The following TCERG1 variants were observed in gnomAD, a reference collection of about 807,000 sequenced individuals.
TCERG1 encodes TATA box binding protein (TBP)-associated factor, RNA polymerase II, S, 150kD.
In TCERG1, 37 loss-of-function variants were observed where a neutral mutation model predicts 144.7. That is an observed-to-expected ratio of 0.26 (90% CI 0.20 to 0.34). The LOEUF is 0.34. Among genes scored for constraint, TCERG1 ranks in the 10% least tolerant of loss-of-function variants. The pLI is 1.00. For missense variants in TCERG1, 1,027 were observed against 1,380.7 expected (o/e 0.74, Z 4.06); for synonymous variants, 492 against 458.2 (o/e 1.07, Z -0.94).
In TCERG1 at chr5:146,503,366, A is replaced by G. The variant is rs898780852; in HGVS notation, c.2434-9A>G. The G allele has an allele frequency of 1.9e-6, 3 of 1,611,088 alleles. No homozygotes were observed. The highest frequency in any genetic ancestry group is 2.5e-6 in the Non-Finnish European group (3 of 1,178,094). ...TCCCTCCCATCCCACTACCTGTTTT[A>G]AAATACAGATTAAATCGGATTTCTT... On this transcript the variant is annotated splice_polypyrimidine_tract_variant and intron_variant, in intron 17 of 22. Coordinates refer to ENST00000679501, the MANE Select transcript of TCERG1 (RefSeq NM_001382548.1).
chr5:146,459,152 A>G lies in TCERG1; in HGVS notation c.707A>G (p.Gln236Arg). 1 of 1,612,724 alleles carries G rather than the reference A, an allele frequency of 6.2e-7. No individual in the cohort carries two copies. The highest frequency in any genetic ancestry group is 8.5e-7 in the Non-Finnish European group (1 of 1,178,878). Residue 236 changes from glutamine (Q) to arginine (R), a missense_variant, in exon 4 of 23, where the codon CAG becomes CGG. Gln to Arg is a conservative substitution (Grantham distance 43). Coordinates refer to ENST00000679501, the MANE Select transcript of TCERG1 (RefSeq NM_001382548.1). ...CAGGCTCAGGCTCAGGCACAAGCTCAGGCCCAGGCCCAGGCTCAGGTCCAG... is the reference window on the plus strand; with the variant it reads ...CAGGCTCAGGCTCAGGCACAAGCTCGGGCCCAGGCCCAGGCTCAGGTCCAG... ...QAQAQAQAQA[Q>R]AQAQAQVQAQ... is the part of the protein sequence containing the mutation.
intron 10 of TCERG1, among the ~76,000 whole-genome samples, chr5:146,479,186 T>A (rs1348116101): frequency 6.6e-6 from 1 of 152,150 alleles, no homozygotes; most frequent in Non-Finnish European, 1.5e-5. Context: ...GTACGTAATT[T>A]TTGTTGTGTA....
chr5:146,473,777 T>G (rs1764569167), intron 9 of TCERG1, among the ~76,000 whole-genome samples: 1 of 152,220 alleles, frequency 6.6e-6, no homozygotes, highest in South Asian at 2.1e-4. Context: ...TTAAGCCCAC[T>G]GTTGAGACTT....
chr5:146,478,286 C>A, intron 9 of TCERG1: 1 of 413,374 alleles, frequency 2.4e-6, no homozygotes, highest in Non-Finnish European at 4.0e-6. Context: ...TTGGTTTTCT[C>A]AGTTAATATG....
chr5:146,505,899 C>G lies in TCERG1; in HGVS notation c.2782-1129C>G, dbSNP rs568704826. Among the ~76,000 whole-genome samples the G allele has an allele frequency of 3.6e-3, 553 of 152,300 alleles. 1 individual carries two copies. The highest frequency in any genetic ancestry group is 0.017 in the Middle Eastern group (5 of 294). ...TCAAGTGATTCTCCTGCCTCAGTCT[C>G]CTGAGTAGCTGGGACTACAGGCATG... On this transcript the variant is annotated intron_variant, in intron 19 of 22. Transcript: ENST00000679501.
chr5:146,456,387 T>C (rs1481626086), intron 2 of TCERG1, among the ~76,000 whole-genome samples: 1 of 152,262 alleles, frequency 6.6e-6, no homozygotes, highest in Non-Finnish European at 1.5e-5. Context: ...AACCCTCTCA[T>C]TGAAATATAT....
chr5:146,485,346 T>C (rs1023359829), intron 15 of TCERG1, among the ~76,000 whole-genome samples: 2 of 152,232 alleles, frequency 1.3e-5, no homozygotes, highest in Non-Finnish European at 2.9e-5. Flanking sequence ...TATAAAATTA[T>C]GTTTTTATTA....
intron 1 of TCERG1, among the ~76,000 whole-genome samples, chr5:146,451,822 C>T (rs954021209): frequency 6.7e-6 from 1 of 149,364 alleles, no homozygotes; most frequent in Non-Finnish European, 1.5e-5. Flanking sequence ...GAGTCTCGCT[C>T]TCTTGCCCAG....
rs895100302 is a variant in TCERG1 at position 146,503,028 on chromosome 5, A to T, written c.2434-347A>T. On this transcript the variant is annotated intron_variant, in intron 17 of 22. Transcript: ENST00000679501. ...GCTAAAAAGAAATGCAGCTCGATGT[A>T]AATTTATATTCCCTATGAATACATG... The T allele has an allele frequency of 8.5e-5, 13 of 152,854 alleles. No homozygotes were observed. In the East Asian group the frequency reaches 2.1e-3, roughly 25 times the overall value. 9.5% of individuals were successfully genotyped at this position (152,854 alleles called of 1,614,324 possible).
chr5:146,461,098 C>T (rs1212993891), intron 4 of TCERG1, among the ~76,000 whole-genome samples: 1 of 152,166 alleles, frequency 6.6e-6, no homozygotes. Flanking sequence ...TTTAACCATA[C>T]TATATATAGT....
intron 1 of TCERG1, among the ~76,000 whole-genome samples, chr5:146,451,314 T>G (rs1480449248): frequency 6.9e-6 from 1 of 145,852 alleles, no homozygotes. Context: ...ATGCGATCCA[T>G]ATTCCTTTTT....
chr5:146,458,069 C>T (rs1364541160), intron 3 of TCERG1, among the ~76,000 whole-genome samples: 2 of 152,062 alleles, frequency 1.3e-5, no homozygotes, highest in Admixed American at 6.5e-5. Context: ...AGGCTGGTCT[C>T]GAACTCTTGA....
At chr5:146,468,268 T>C in intron 5 of TCERG1, 73 bp from the exon 6 acceptor site, 1 of 1,181,802 alleles carries the variant, frequency 8.5e-7, no homozygotes, top group Non-Finnish European at 1.2e-6. Context: ...TGGTAAATTA[T>C]TTCCCTGAAT....
chr5:146,455,207 C>G lies in TCERG1; in HGVS notation c.211C>G (p.Pro71Ala), dbSNP rs1762722274. Residue 71 changes from proline (P) to alanine (A), a missense_variant, in exon 2 of 23, where the codon CCT becomes GCT. Coordinates refer to ENST00000679501, the MANE Select transcript of TCERG1 (RefSeq NM_001382548.1). ...ACCACGGCCGCCCTTTGGACGTCCT[C>G]CTTTTGATCCTAATATGCCGCCAAT... ...PPPRPPFGRP[P>A]FDPNMPPMPP... 4.3e-6 allele frequency: 7 copies of G among 1,614,202 alleles called. No individual in the cohort carries two copies. The highest frequency in any genetic ancestry group is 5.9e-6 in the Non-Finnish European group (7 of 1,180,034).
At position 146,507,023 on chromosome 5, in the gene TCERG1, T is replaced by C. The variant is rs757570298; in HGVS notation, c.2782-5T>C. ...GGTGATATATATATAATTTTTTCTC[T>C]TCAGGTACGTTCTTCAGATGTGTCA... is the stretch of plus-strand genomic sequence containing the variant. On this transcript the variant is annotated splice_region_variant and splice_polypyrimidine_tract_variant and intron_variant, in intron 19 of 22. Coordinates refer to ENST00000679501, the MANE Select transcript of TCERG1 (RefSeq NM_001382548.1). This position sits in a 1 kb window ranked among gnomAD's most constrained non-coding sequence, Gnocchi z 4.6. 5.8e-6 allele frequency: 9 copies of C among 1,564,636 alleles called. No homozygotes were observed. The highest frequency in any genetic ancestry group is 1.7e-4 in the Middle Eastern group (1 of 5,802).
intron 2 of TCERG1, among the ~76,000 whole-genome samples, chr5:146,455,869 A>G (rs755849362): frequency 2.6e-5 from 4 of 152,238 alleles, no homozygotes; most frequent in African/African-American, 4.8e-5. Flanking sequence ...AACCTGGGGC[A>G]TAGATCCTTC....
chr5:146,495,359 C>A (rs1365358922), intron 16 of TCERG1, among the ~76,000 whole-genome samples: 1 of 152,128 alleles, frequency 6.6e-6, no homozygotes, highest in Non-Finnish European at 1.5e-5. Flanking sequence ...GGATGCCCAA[C>A]CTGTAGTTGC....
chr5:146,447,514 G>C (rs1761964104), intron 1 of TCERG1, 106 bp downstream of exon 1: 7 of 1,434,106 alleles, frequency 4.9e-6, no homozygotes, highest in Non-Finnish European at 3.8e-6. Flanking sequence ...TAGCGGAGCC[G>C]GGCGGCCCGG....
chr5:146,511,935 G>A lies in TCERG1; in HGVS notation c.*1293G>A, dbSNP rs1293552563. 6.6e-6 allele frequency: 1 copy of A among 152,062 alleles called. No homozygotes were observed. The highest frequency in any genetic ancestry group is 1.5e-5 in the Non-Finnish European group (1 of 68,006). The allele number at this position is 152,062 out of a possible 1,614,324, so 9.4% of individuals were successfully genotyped here. On this transcript the variant is annotated 3_prime_UTR_variant, in exon 23 of 23. Transcript: ENST00000679501. ...CTTCATAGGTTGCTCGTTTCAGAGT[G>A]CCACATAAATAAAATGTTTAACAAA...
Sources: allele counts gnomAD v4.1 joint callset (sites outside exome capture counted in the v4.1 genomes callset), GRCh38; gene constraint gnomAD v4.1.1; non-coding constraint Gnocchi (gnomAD v3.1); transcripts MANE v1.5; gene names NCBI Gene and HGNC (gene_info 2026-07-23, HGNC 2026-07-21).